CA1: variants seen among roughly 807,000 people sequenced by gnomAD.
CA1 encodes carbonate dehydratase I.
Under a neutral mutation model 28.8 loss-of-function variants are expected in CA1, and 27 were observed. That is an observed-to-expected ratio of 0.94 (90% CI 0.69 to 1.29). The LOEUF (loss-of-function observed/expected upper bound fraction) is 1.29. Ranked by LOEUF, CA1 falls within the 50% of genes most tolerant of loss-of-function variation. CA1 has a pLI of 0.00. For missense variants in CA1, 335 were observed against 310.5 expected (o/e 1.08, Z -0.59); for synonymous variants, 121 against 108.8 (o/e 1.11, Z -0.70).
At chr8:85,357,034 G>T (rs1185047880) in intron 1 of CA1, among the ~76,000 whole-genome samples, 5 of 152,134 alleles carry the variant, frequency 3.3e-5, no homozygotes, top group Admixed American at 3.3e-4. Context: ...CCTTATCAGG[G>T]TCTGGGGGAG....
At chr8:85,374,082 T>G (rs1199453008) in intron 1 of CA1, among the ~76,000 whole-genome samples, 1 of 152,040 alleles carries the variant, frequency 6.6e-6, no homozygotes, top group Admixed American at 6.6e-5. Flanking sequence ...AAGTAGTAAA[T>G]TTAATTTTAC....
chr8:85,370,349 G>A (rs1810168100), intron 1 of CA1, among the ~76,000 whole-genome samples: 1 of 152,110 alleles, frequency 6.6e-6, no homozygotes, highest in African/African-American at 2.4e-5. Context: ...TGGTTATCAT[G>A]GGAAGAGTGA....
At chr8:85,359,742 A>G (rs1268733669) in intron 1 of CA1, among the ~76,000 whole-genome samples, 1 of 152,238 alleles carries the variant, frequency 6.6e-6, no homozygotes, top group Admixed American at 6.5e-5. Context: ...CATATTGTTG[A>G]TAACTTGGTA....
intron 2 of CA1, among the ~76,000 whole-genome samples, chr8:85,339,321 A>T (rs1471108919): frequency 6.6e-6 from 1 of 152,170 alleles, no homozygotes. Flanking sequence ...AAACTTTTTA[A>T]TTGTTCATAT....
chr8:85,333,609 A>C lies in CA1; in HGVS notation c.366T>G (p.Ala122=), dbSNP rs1378108808. Residue 122 remains alanine, a synonymous_variant, in exon 5 of 8, where the codon GCT becomes GCG. Coordinates refer to ENST00000523022, the MANE Select transcript of CA1 (RefSeq NM_001128831.4). The stretch of plus-strand genomic sequence containing the variant: ...TGGAGTACTTTGCAGAATTCCAGTG[A>C]GCTACGTGAAGCTAAAAATGATACT... ...GVKYSAELHV[A]HWNSAKYSSL... is the part of the protein sequence containing the mutation. 2 of 1,601,544 alleles carry C rather than the reference A, an allele frequency of 1.2e-6. No homozygotes were observed. The highest frequency in any genetic ancestry group is 2.2e-5 in the South Asian group (2 of 90,830).
intron 1 of CA1, among the ~76,000 whole-genome samples, chr8:85,367,285 T>A (rs1258253242): frequency 3.3e-5 from 5 of 152,148 alleles, no homozygotes; most frequent in Non-Finnish European, 1.5e-5. Context: ...ACTATTTTAT[T>A]GCCTTATAAA....
chr8:85,369,761 G>T (rs185579511), intron 1 of CA1, among the ~76,000 whole-genome samples: 20 of 147,100 alleles, frequency 1.4e-4, no homozygotes, highest in Admixed American at 1.3e-3. Context: ...CTGGCACTAT[G>T]GTGGGTTAAT....
intron 1 of CA1, among the ~76,000 whole-genome samples, chr8:85,347,571 A>G (rs1402112163): frequency 6.6e-6 from 1 of 152,230 alleles, no homozygotes; most frequent in Non-Finnish European, 1.5e-5. Flanking sequence ...AGCACCTTGC[A>G]TGAAAAGTTC....
At chr8:85,369,155 T>C (rs1409652113) in intron 1 of CA1, among the ~76,000 whole-genome samples, 1 of 152,188 alleles carries the variant, frequency 6.6e-6, no homozygotes, top group African/African-American at 2.4e-5. Context: ...TGCATGGCTA[T>C]TTGAGATATT....
chr8:85,377,631 C>T (rs1810465885), intron 1 of CA1, among the ~76,000 whole-genome samples: 1 of 152,092 alleles, frequency 6.6e-6, no homozygotes, highest in Non-Finnish European at 1.5e-5. Context: ...ATGGTGAAAT[C>T]CCCTCTACTA....
intron 1 of CA1, among the ~76,000 whole-genome samples, chr8:85,359,138 G>A (rs189750792): frequency 1.3e-3 from 205 of 152,294 alleles, no homozygotes; most frequent in African/African-American, 4.6e-3. Context: ...AAATTAACAG[G>A]TTTGAAGGAA....
chr8:85,370,742 C>T (rs377393389), intron 1 of CA1, among the ~76,000 whole-genome samples: 3 of 152,020 alleles, frequency 2.0e-5, no homozygotes, highest in East Asian at 1.9e-4. Context: ...TTTCTTTTCT[C>T]GCTAATATTT....
intron 4 of CA1, 54 bp downstream of exon 4, chr8:85,336,888 AGCT>A (rs1238538541): frequency 1.0e-6 from 1 of 1,004,086 alleles, no homozygotes. Flanking sequence ...AGAAGGGAGA[AGCT>A]GCTTCTGGGA....
chr8:85,350,202 T>C (rs1809352184), intron 1 of CA1, among the ~76,000 whole-genome samples: 1 of 152,226 alleles, frequency 6.6e-6, no homozygotes, highest in Non-Finnish European at 1.5e-5. Flanking sequence ...TGAAGAATTT[T>C]CAGGCCTCTT....
chr8:85,348,522 A>G (rs1459339193), intron 1 of CA1, among the ~76,000 whole-genome samples: 1 of 152,186 alleles, frequency 6.6e-6, no homozygotes, highest in Non-Finnish European at 1.5e-5. Flanking sequence ...GATTTGCAGA[A>G]CGACTCATTA....
intron 1 of CA1, among the ~76,000 whole-genome samples, chr8:85,351,257 C>T (rs1417500257): frequency 6.6e-6 from 1 of 152,204 alleles, no homozygotes; most frequent in African/African-American, 2.4e-5. Context: ...GGGTATGGCA[C>T]TCACTGTGCC....
chr8:85,349,001 A>G lies in CA1; in HGVS notation c.-24-7342T>C, dbSNP rs10101792. Among the ~76,000 whole-genome samples, 1,370 of 152,306 alleles carry G rather than the reference A, an allele frequency of 9.0e-3. 19 individuals are homozygous for G. The highest frequency in any genetic ancestry group is 0.031 in the African/African-American group (1,290 of 41,560). Reference sequence around the variant, plus strand: ...ACATTAGCTGATCAGCCTTGAAATCAAGGGACATAATCTGACCCCCTCACC... The same window carrying G: ...ACATTAGCTGATCAGCCTTGAAATCGAGGGACATAATCTGACCCCCTCACC... On this transcript the variant is annotated intron_variant, in intron 1 of 7. Transcript: ENST00000523022.
intron 1 of CA1, chr8:85,343,229 G>A (rs887906072): frequency 6.6e-6 from 1 of 151,096 alleles, no homozygotes; most frequent in Non-Finnish European, 1.5e-5. Context: ...TCTGTTTCTG[G>A]AAAAAGAAAA....
intron 1 of CA1, chr8:85,351,619 T>C (rs1376447758): frequency 2.0e-5 from 3 of 152,198 alleles, no homozygotes; most frequent in Non-Finnish European, 4.4e-5. Flanking sequence ...AGGGTAATCC[T>C]AGATCACCCA....
Sources: allele counts gnomAD v4.1 joint callset (sites outside exome capture counted in the v4.1 genomes callset), GRCh38; gene constraint gnomAD v4.1.1; transcripts MANE v1.5; gene names NCBI Gene and HGNC (gene_info 2026-07-23, HGNC 2026-07-21).